GRIP2: variants seen among roughly 807,000 people sequenced by gnomAD.
GRIP2 encodes the protein glutamate receptor-interacting protein 2.
GRIP2 carries 58 observed loss-of-function variants against 108.3 expected under a neutral mutation model. The ratio of observed to expected loss-of-function variants is 0.54; its 90% confidence interval spans 0.43 to 0.67. GRIP2 has a LOEUF of 0.67. Ranked by LOEUF, GRIP2 falls within the 30% of genes least tolerant of loss-of-function variation. The pLI, the probability that GRIP2 is intolerant of heterozygous loss-of-function variation, is 0.00. For missense variants in GRIP2, 1,278 were observed against 1,430.6 expected, an observed-to-expected ratio of 0.89 and a Z score of 1.72; for synonymous variants, 586 against 598.2, an observed-to-expected ratio of 0.98 and a Z score of 0.30.
At chr3:14,495,492 C>T (rs1422548427) in intron 22 of GRIP2, among the ~76,000 whole-genome samples, 1 of 152,102 alleles carries the variant, frequency 6.6e-6, no homozygotes, top group Admixed American at 6.6e-5. Flanking sequence ...CTGCAACCTC[C>T]GCCTACTGGG....
the GRIP2 span, among the ~76,000 whole-genome samples, chr3:14,588,603 G>T: frequency 6.6e-6 from 1 of 152,142 alleles, no homozygotes; most frequent in African/African-American, 2.4e-5. Flanking sequence ...ACTCCCGCCG[G>T]CCCAGAGCCA....
the GRIP2 span, among the ~76,000 whole-genome samples, chr3:14,570,071 G>A: frequency 6.6e-6 from 1 of 152,142 alleles, no homozygotes; most frequent in East Asian, 1.9e-4. Flanking sequence ...TCTGGCCCCA[G>A]AGCCCAAGCA....
intron 16 of GRIP2, 129 bp from the exon 17 acceptor site, chr3:14,510,093 A>C: frequency 1.4e-5 from 12 of 859,126 alleles, no homozygotes; most frequent in Non-Finnish European, 1.9e-5. Context: ...CTCTGATTTC[A>C]TGTAGCACAA....
Position 14,489,224 on chromosome 3 carries a change from GTT to G in GRIP2, c.*4439_*4440del, listed in dbSNP as rs917637964. The G allele has an allele frequency of 3.3e-5, 5 of 152,542 alleles. No homozygotes were observed. The East Asian group carries it at 9.7e-4, about 29-fold the overall frequency. The allele number at this position is 152,542 out of a possible 1,614,324, so 9.4% of individuals were successfully genotyped here. A position where few individuals can be genotyped will look rare whatever the true frequency, so the allele number is the denominator to read the frequency against. On this transcript the variant is annotated 3_prime_UTR_variant, in exon 24 of 24. Transcript: ENST00000621039. Reference sequence around the variant, plus strand: ...ATATGATTCCCTGTATTTTGCAGGGGTTTTTTTCTCTTTTGCTTTTTAGATAA... The same window carrying G: ...ATATGATTCCCTGTATTTTGCAGGGGTTTTTCTCTTTTGCTTTTTAGATAA...
At chr3:14,579,209 T>C in the GRIP2 span, among the ~76,000 whole-genome samples, 2 of 152,120 alleles carry the variant, frequency 1.3e-5, no homozygotes, top group African/African-American at 4.8e-5. Context: ...ATCCATGCTG[T>C]GATTCGGTTT....
the GRIP2 span, chr3:14,574,006 G>C: frequency 7.8e-7 from 1 of 1,277,190 alleles, no homozygotes; most frequent in Non-Finnish European, 1.1e-6. Flanking sequence ...TTGGCACCCA[G>C]GTGGATGAGG....
At chr3:14,525,001 G>A (rs1311096803) in intron 3 of GRIP2, among the ~76,000 whole-genome samples, 1 of 152,236 alleles carries the variant, frequency 6.6e-6, no homozygotes, top group African/African-American at 2.4e-5. Flanking sequence ...GACAATGTGT[G>A]CAGAAATGTG....
chr3:14,585,566 G>A, the GRIP2 span, among the ~76,000 whole-genome samples: 1 of 152,172 alleles, frequency 6.6e-6, no homozygotes, highest in Non-Finnish European at 1.5e-5. Flanking sequence ...CCTTGTCCTA[G>A]GGTGACTGTC....
the GRIP2 span, among the ~76,000 whole-genome samples, chr3:14,600,097 G>A: frequency 6.6e-6 from 1 of 152,226 alleles, no homozygotes; most frequent in Admixed American, 6.5e-5. Flanking sequence ...CCACATGGTA[G>A]ACACAAACCT....
At chr3:14,506,530 G>A (rs1009609413) in intron 19 of GRIP2, among the ~76,000 whole-genome samples, 6 of 152,190 alleles carry the variant, frequency 3.9e-5, no homozygotes, top group Admixed American at 2.6e-4. Context: ...AACTTTGTCC[G>A]TAACTTCACA....
chr3:14,598,945 C>T, the GRIP2 span, among the ~76,000 whole-genome samples: 1 of 152,138 alleles, frequency 6.6e-6, no homozygotes, highest in African/African-American at 2.4e-5. Context: ...TCCAGGGATG[C>T]CTCCCTGATC....
intron 3 of GRIP2, 65 bp from the exon 4 acceptor site, chr3:14,524,603 ACCCAC>A: frequency 6.7e-7 from 1 of 1,492,516 alleles, no homozygotes. Flanking sequence ...TGGCATTCAC[ACCCAC>A]CCTCCTCTGG....
chr3:14,530,830 C>T (rs955951063), intron 1 of GRIP2, among the ~76,000 whole-genome samples: 1 of 152,172 alleles, frequency 6.6e-6, no homozygotes, highest in Non-Finnish European at 1.5e-5. Flanking sequence ...ATGGGGTATC[C>T]ATCACCTCAA....
At position 14,522,723 on chromosome 3, in the gene GRIP2, C is replaced by T; in HGVS notation, c.566+277G>A. 2.3e-6 allele frequency: 1 copy of T among 436,274 alleles called. No individual in the cohort carries two copies. Among genetic ancestry groups the T allele is most frequent in the Non-Finnish European group, 4.2e-6 (1 of 240,228 alleles). The allele number at this position is 436,274 out of a possible 1,614,324, so 27.0% of individuals were successfully genotyped here. ...TTCCACAGACGGGAAAACCAAGGAG[C>T]AGGAAAGGGAAGAACGACACCAAGG... is the stretch of plus-strand genomic sequence containing the variant. On this transcript the variant is annotated intron_variant, in intron 6 of 23. Coordinates refer to ENST00000621039, the MANE Select transcript of GRIP2 (RefSeq NM_001080423.4). The surrounding 1 kb of genome is among the most constrained non-coding windows in gnomAD (Gnocchi z 4.3).
upstream of GRIP2, among the ~76,000 whole-genome samples, chr3:14,558,956 T>C (rs575860954): frequency 6.6e-6 from 1 of 152,226 alleles, no homozygotes; most frequent in East Asian, 1.9e-4. Flanking sequence ...GAAGGGGAGC[T>C]CCGAGGGCAG....
chr3:14,540,522 C>G, upstream of GRIP2: 1 of 1,122,176 alleles, frequency 8.9e-7, no homozygotes, highest in Non-Finnish European at 1.2e-6. The surrounding 1 kb of genome is among the most constrained non-coding windows in gnomAD (Gnocchi z 4.1). Flanking sequence ...CATGCCCCAC[C>G]CCTGCAGCCT....
intron 7 of GRIP2, 177 bp from the exon 8 acceptor site, chr3:14,520,714 A>C (rs1347417284): frequency 4.4e-6 from 3 of 678,070 alleles, no homozygotes; most frequent in Non-Finnish European, 7.3e-6. Context: ...ATGTTATATC[A>C]ATTTGACAGA....
At chr3:14,592,903 G>A in the GRIP2 span, among the ~76,000 whole-genome samples, 1 of 152,102 alleles carries the variant, frequency 6.6e-6, no homozygotes, top group Non-Finnish European at 1.5e-5. Flanking sequence ...CCAGACCAAG[G>A]ACTTGGAGCC....
chr3:14,567,870 G>A, the GRIP2 span, among the ~76,000 whole-genome samples: 1 of 152,180 alleles, frequency 6.6e-6, no homozygotes, highest in Non-Finnish European at 1.5e-5. Flanking sequence ...AAAATGAAGT[G>A]GTGTGAGATG....
Sources: gnomAD v4.1 joint callset for allele counts (sites outside exome capture counted in the v4.1 genomes callset) on GRCh38, gnomAD v4.1.1 for gene constraint, Gnocchi (gnomAD v3.1) non-coding constraint, MANE v1.5 for transcripts, NCBI Gene and HGNC (gene_info 2026-07-23, HGNC 2026-07-21) for gene names.